The following NTM variants were observed in gnomAD, a reference collection of about 807,000 sequenced individuals.
The protein encoded by NTM is neurotrimin.
A neutral mutation model predicts 42.1 loss-of-function variants in NTM; 13 were observed. That is an observed-to-expected ratio of 0.31 (90% CI 0.20 to 0.49). The LOEUF is 0.49. Among genes scored for constraint, NTM ranks in the 20% least tolerant of loss-of-function variants. The probability of loss-of-function intolerance (pLI) is 0.99; values close to 1 mark genes in which losing one functional copy is unlikely to be tolerated. For missense variants in NTM, 373 were observed against 452.8 expected (o/e 0.82, Z 1.60); for synonymous variants, 187 against 179.2 (o/e 1.04, Z -0.35).
intron 2 of NTM, among the ~76,000 whole-genome samples, chr11:131,927,252 TTTA>T (rs138376508): frequency 0.096 from 14,641 of 152,214 alleles, 890 homozygotes; most frequent in South Asian, 0.25. Context: ...TTGCACCAAC[TTTA>T]TTAAGCATTC....
At chr11:132,259,737 TTTTGTTTG>T (rs544919719) in intron 4 of NTM, among the ~76,000 whole-genome samples, 84 of 151,598 alleles carry the variant, frequency 5.5e-4, no homozygotes, top group African/African-American at 1.8e-3. Context: ...AGTTTTTTGT[TTTTGTTTG>T]TTTGTTTGTT....
chr11:132,219,835 C>T (rs968467168), intron 4 of NTM, among the ~76,000 whole-genome samples: 2 of 152,090 alleles, frequency 1.3e-5, no homozygotes, highest in South Asian at 2.1e-4. Context: ...CACTCCCACC[C>T]GTGAGAAAAG....
At chr11:131,997,148 A>G (rs879691682) in intron 2 of NTM, among the ~76,000 whole-genome samples, 1 of 152,160 alleles carries the variant, frequency 6.6e-6, no homozygotes, top group African/African-American at 2.4e-5. Context: ...TCTGAGGTCT[A>G]AAGTCAGCAT....
chr11:132,211,574 C>T (rs1026862048), intron 3 of NTM, among the ~76,000 whole-genome samples: 1 of 152,240 alleles, frequency 6.6e-6, no homozygotes, highest in African/African-American at 2.4e-5. Flanking sequence ...TTCTGCATGG[C>T]CTCATGCCTA....
chr11:131,576,855 T>G (rs2057983114), intron 1 of NTM, among the ~76,000 whole-genome samples: 1 of 152,252 alleles, frequency 6.6e-6, no homozygotes. Context: ...GAGGAACTTC[T>G]TAATTTTTTT....
chr11:131,875,612 G>T (rs1389783776), intron 1 of NTM, among the ~76,000 whole-genome samples: 3 of 152,262 alleles, frequency 2.0e-5, no homozygotes, highest in Admixed American at 2.0e-4. Context: ...ATTGTGAAAT[G>T]TCATGGATTT....
At chr11:131,596,399 G>A (rs781008956) in intron 1 of NTM, among the ~76,000 whole-genome samples, 15 of 152,334 alleles carry the variant, frequency 9.8e-5, no homozygotes, top group East Asian at 7.7e-4. Flanking sequence ...TCACGGCATC[G>A]TAGGTAAACA....
chr11:131,642,404 A>C (rs1336457116), intron 1 of NTM, among the ~76,000 whole-genome samples: 1 of 152,218 alleles, frequency 6.6e-6, no homozygotes, highest in East Asian at 1.9e-4. Context: ...AGCAACTTTG[A>C]AACAGATGAA....
At chr11:131,574,495 A>G (rs952219859) in intron 1 of NTM, among the ~76,000 whole-genome samples, 4 of 152,128 alleles carry the variant, frequency 2.6e-5, no homozygotes, top group African/African-American at 9.7e-5. Flanking sequence ...CCCAGGCCTA[A>G]GGTATCCCCA....
chr11:131,716,751 A>G (rs2077730733), intron 1 of NTM, among the ~76,000 whole-genome samples: 1 of 152,088 alleles, frequency 6.6e-6, no homozygotes, highest in African/African-American at 2.4e-5. Flanking sequence ...CTTTGTCAGT[A>G]TGGATGCATT....
intron 2 of NTM, among the ~76,000 whole-genome samples, chr11:131,970,459 T>C (rs1256928212): frequency 6.6e-6 from 1 of 152,222 alleles, no homozygotes; most frequent in African/African-American, 2.4e-5. Context: ...CTGGAAACTT[T>C]ATCCTTCCCG....
intron 3 of NTM, among the ~76,000 whole-genome samples, chr11:132,168,329 C>G (rs2075600722): frequency 1.3e-5 from 2 of 152,208 alleles, no homozygotes; most frequent in South Asian, 2.1e-4. Context: ...TTGCCTGGAT[C>G]AGGACAATCC....
At chr11:131,470,509 C>T (rs1394485533) in intron 1 of NTM, among the ~76,000 whole-genome samples, 9 of 152,292 alleles carry the variant, frequency 5.9e-5, no homozygotes, top group Admixed American at 3.9e-4. Context: ...CACTGGCACA[C>T]GTTGCTACTG....
intron 1 of NTM, among the ~76,000 whole-genome samples, chr11:131,401,844 A>ATATATATATATATATATG (rs1945266738): frequency 9.9e-6 from 1 of 101,082 alleles, no homozygotes; most frequent in African/African-American, 3.9e-5. Flanking sequence ...ATATATATAT[A>ATATATATATATATATATG]TATATATATA....
chr11:131,683,305 G>A (rs571218034), intron 1 of NTM, among the ~76,000 whole-genome samples: 2 of 152,336 alleles, frequency 1.3e-5, no homozygotes, highest in East Asian at 3.9e-4. Flanking sequence ...CTGGGGATGT[G>A]CACATCACAG....
At chr11:131,886,504 G>T (rs973779798) in intron 1 of NTM, among the ~76,000 whole-genome samples, 5 of 152,228 alleles carry the variant, frequency 3.3e-5, no homozygotes, top group African/African-American at 1.2e-4. Context: ...GCTCATATTT[G>T]CACTCTACCT....
chr11:131,469,185 T>G (rs1374992442), intron 1 of NTM, among the ~76,000 whole-genome samples: 1 of 152,202 alleles, frequency 6.6e-6, no homozygotes, highest in Non-Finnish European at 1.5e-5. Context: ...CCACTGCCAC[T>G]GTGAGGCCAC....
intron 1 of NTM, among the ~76,000 whole-genome samples, chr11:131,743,341 G>C (rs2081410440): frequency 6.8e-6 from 1 of 148,140 alleles, no homozygotes. Context: ...ATATAGAAGT[G>C]GAAATAAAAT....
chr11:131,687,864 G>T (rs1188013243), intron 1 of NTM, among the ~76,000 whole-genome samples: 1 of 152,048 alleles, frequency 6.6e-6, no homozygotes, highest in Non-Finnish European at 1.5e-5. Context: ...CCCACCCCAC[G>T]TATCCTCCAG....
Sources: gnomAD v4.1 joint callset for allele counts (sites outside exome capture counted in the v4.1 genomes callset) on GRCh38, gnomAD v4.1.1 for gene constraint, MANE v1.5 for transcripts, NCBI Gene and HGNC (gene_info 2026-07-23, HGNC 2026-07-21) for gene names.